Variants in RBFOX1 observed in about 807,000 individuals in gnomAD.
RBFOX1 encodes RNA binding protein fox-1 homolog 1.
A neutral mutation model predicts 57.7 loss-of-function variants in RBFOX1; 8 were observed. The observed-to-expected ratio is 0.14, with a 90% CI of 0.08 to 0.25. The LOEUF (loss-of-function observed/expected upper bound fraction) is 0.25. Ranked by LOEUF, RBFOX1 falls within the 10% of genes least tolerant of loss-of-function variation. The pLI is 1.00. For synonymous variants in RBFOX1, 326 were observed against 222.4 expected (o/e 1.47, Z -4.15); for missense variants, 611 against 548.5 (o/e 1.11, Z -1.14).
intron 4 of RBFOX1, among the ~76,000 whole-genome samples, chr16:7,077,956 G>C (rs187884766): frequency 1.3e-5 from 2 of 152,300 alleles, no homozygotes; most frequent in East Asian, 3.9e-4. Context: ...CAGAGAGAAA[G>C]TAAACTCAAG....
Position 6,493,101 on chromosome 16 carries a change from C to A in RBFOX1, c.-63-161502C>A, listed in dbSNP as rs184239970. ...AGAAAAGCCTCCATTTTGCAAACAA[C>A]CTGTGATCACTTTACCCCTGAGCTG... On this transcript the variant is annotated intron_variant, in intron 2 of 15. Coordinates refer to ENST00000550418, the MANE Select transcript of RBFOX1 (RefSeq NM_018723.4). Among the ~76,000 whole-genome samples the A allele has an allele frequency of 3.3e-3, 509 of 152,268 alleles. 3 individuals carry two copies. Among genetic ancestry groups the A allele is most frequent in the African/African-American group, 0.012 (483 of 41,546 alleles).
intron 5 of RBFOX1, among the ~76,000 whole-genome samples, chr16:7,571,444 C>T (rs564839527): frequency 4.6e-5 from 7 of 152,206 alleles, no homozygotes; most frequent in Non-Finnish European, 1.0e-4. Context: ...TCTCGGGTTG[C>T]TCAGAGCTAT....
At chr16:6,979,161 G>C (rs370548509) in intron 3 of RBFOX1, among the ~76,000 whole-genome samples, 14 of 152,318 alleles carry the variant, frequency 9.2e-5, no homozygotes, top group African/African-American at 3.4e-4. Context: ...CTTAGTTCTA[G>C]TGTTGATAGT....
At chr16:7,345,610 C>T (rs1271802755) in intron 4 of RBFOX1, among the ~76,000 whole-genome samples, 1 of 152,132 alleles carries the variant, frequency 6.6e-6, no homozygotes, top group African/African-American at 2.4e-5. Flanking sequence ...GAACGCCAGT[C>T]ATCAGCCGCC....
At chr16:7,138,093 CAG>C (rs2072561537) in intron 4 of RBFOX1, among the ~76,000 whole-genome samples, 1 of 152,092 alleles carries the variant, frequency 6.6e-6, no homozygotes, top group African/African-American at 2.4e-5. Flanking sequence ...AATGGTGACT[CAG>C]AGATTCGTAT....
rs1444512499 is a variant in RBFOX1 at position 5,476,354 on chromosome 16, C to T, written c.258+9100C>T. On this transcript the variant is annotated intron_variant, in intron 2 of 2. Coordinates refer to the RBFOX1 transcript ENST00000585867. ...AGTGAGACCAGACATTTCTTATATG[C>T]TCCAAACTGGAGAGGCTGAGGCTGC... Among the ~76,000 whole-genome samples the T allele has an allele frequency of 3.3e-5, 5 of 152,198 alleles. No homozygotes were observed. In the East Asian group the frequency reaches 9.6e-4, roughly 29 times the overall value.
At chr16:7,011,618 A>G (rs1320392187) in intron 3 of RBFOX1, among the ~76,000 whole-genome samples, 1 of 152,150 alleles carries the variant, frequency 6.6e-6, no homozygotes, top group Non-Finnish European at 1.5e-5. Flanking sequence ...GGTTCACGCC[A>G]TTATCCAGCC....
chr16:6,437,985 C>T (rs1351600913), intron 2 of RBFOX1, among the ~76,000 whole-genome samples: 1 of 152,138 alleles, frequency 6.6e-6, no homozygotes, highest in Non-Finnish European at 1.5e-5. Context: ...AGGAAACTGC[C>T]AGGCTCCTCT....
chr16:5,787,775 G>C (rs1283497819), intron 3 of RBFOX1, among the ~76,000 whole-genome samples: 3 of 152,214 alleles, frequency 2.0e-5, no homozygotes, highest in Non-Finnish European at 4.4e-5. Flanking sequence ...AAGCCTCCAT[G>C]AGGATCATTT....
chr16:6,436,771 A>T (rs1477777541), intron 2 of RBFOX1, among the ~76,000 whole-genome samples: 3 of 152,146 alleles, frequency 2.0e-5, no homozygotes, highest in African/African-American at 4.8e-5. Context: ...CTCAGTGATT[A>T]TTTGTTGGAT....
intron 4 of RBFOX1, among the ~76,000 whole-genome samples, chr16:7,118,377 G>A (rs775818986): frequency 6.6e-6 from 1 of 151,846 alleles, no homozygotes; most frequent in African/African-American, 2.4e-5. Flanking sequence ...GCCATTTGTT[G>A]GCTATTCTCA....
chr16:6,893,052 C>T (rs1045041687), intron 3 of RBFOX1, among the ~76,000 whole-genome samples: 3 of 152,194 alleles, frequency 2.0e-5, no homozygotes, highest in Non-Finnish European at 4.4e-5. Flanking sequence ...AATACATGAT[C>T]TTTCTCTTCA....
At chr16:6,242,844 A>G (rs2097547279) in intron 1 of RBFOX1, among the ~76,000 whole-genome samples, 1 of 152,084 alleles carries the variant, frequency 6.6e-6, no homozygotes, top group Non-Finnish European at 1.5e-5. Flanking sequence ...TATGCCTTTA[A>G]TCACTACACT....
intron 4 of RBFOX1, among the ~76,000 whole-genome samples, chr16:6,000,343 C>T (rs918160219): frequency 6.6e-6 from 1 of 152,158 alleles, no homozygotes; most frequent in African/African-American, 2.4e-5. Flanking sequence ...TGCCAAAGCT[C>T]AGCCCTGACC....
At chr16:7,232,161 C>T (rs902694518) in intron 4 of RBFOX1, among the ~76,000 whole-genome samples, 1 of 152,058 alleles carries the variant, frequency 6.6e-6, no homozygotes, top group African/African-American at 2.4e-5. Context: ...GTAGCTGAGA[C>T]TACAGGTACA....
At chr16:6,327,380 C>T (rs574565595) in intron 2 of RBFOX1, among the ~76,000 whole-genome samples, 1 of 152,142 alleles carries the variant, frequency 6.6e-6, no homozygotes, top group Admixed American at 6.5e-5. Flanking sequence ...TACTTAGCAC[C>T]TATAGAGTTT....
chr16:6,121,118 G>T (rs754981567), intron 1 of RBFOX1, among the ~76,000 whole-genome samples: 8 of 152,192 alleles, frequency 5.3e-5, no homozygotes, highest in Non-Finnish European at 1.0e-4. Flanking sequence ...CCTGTTGGGA[G>T]TGTGCACCTG....
chr16:6,186,683 C>G (rs1199232422), intron 1 of RBFOX1, among the ~76,000 whole-genome samples: 1 of 152,092 alleles, frequency 6.6e-6, no homozygotes, highest in Non-Finnish European at 1.5e-5. Context: ...AGTCAGGAAA[C>G]AAGATGGAAG....
At chr16:7,032,789 T>G (rs1307539752) in intron 3 of RBFOX1, among the ~76,000 whole-genome samples, 2 of 152,178 alleles carry the variant, frequency 1.3e-5, no homozygotes, top group Non-Finnish European at 2.9e-5. Context: ...ACCCCCGCCT[T>G]GGGTCTACCT....
Sources: gnomAD v4.1 joint callset for allele counts (sites outside exome capture counted in the v4.1 genomes callset) on GRCh38, gnomAD v4.1.1 for gene constraint, MANE v1.5 for transcripts, NCBI Gene and HGNC (gene_info 2026-07-23, HGNC 2026-07-21) for gene names.